Variants in CACNA2D3 observed in about 807,000 individuals in gnomAD.
The protein encoded by CACNA2D3 is voltage-dependent calcium channel subunit alpha-2/delta-3.
A neutral mutation model predicts 160.6 loss-of-function variants in CACNA2D3; 60 were observed. That is an observed-to-expected ratio of 0.37 (90% confidence interval 0.30 to 0.46). CACNA2D3 has a LOEUF of 0.46. Among genes scored for constraint, CACNA2D3 ranks in the 20% least tolerant of loss-of-function variants. The pLI is 1.00. For synonymous variants in CACNA2D3, 558 were observed against 492.9 expected (o/e 1.13, Z -1.75); for missense variants, 1,205 against 1,365.0 (o/e 0.88, Z 1.85).
chr3:54,861,542 A>G (rs1335427631), intron 17 of CACNA2D3, among the ~76,000 whole-genome samples: 1 of 152,166 alleles, frequency 6.6e-6, no homozygotes, highest in Non-Finnish European at 1.5e-5. Context: ...CTAAGCAGTG[A>G]TATGATCTGA....
chr3:54,527,344 A>G (rs1701741375), intron 5 of CACNA2D3, among the ~76,000 whole-genome samples: 1 of 152,188 alleles, frequency 6.6e-6, no homozygotes, highest in African/African-American at 2.4e-5. Context: ...TATTTGTTTT[A>G]TGGCCTGCTT....
chr3:54,375,590 G>T (rs1698999478), intron 3 of CACNA2D3, among the ~76,000 whole-genome samples: 1 of 152,154 alleles, frequency 6.6e-6, no homozygotes, highest in African/African-American at 2.4e-5. Context: ...GTAGTGGTCT[G>T]GGGCCAGAAA....
At chr3:54,769,726 C>T (rs1453210416) in intron 13 of CACNA2D3, among the ~76,000 whole-genome samples, 1 of 152,132 alleles carries the variant, frequency 6.6e-6, no homozygotes, top group African/African-American at 2.4e-5. Context: ...TTTAAAAATA[C>T]TGGATTCTTC....
rs2107108520 is a variant in CACNA2D3 at position 54,987,765 on chromosome 3, A to G, written c.2690+12A>G. ...GGCTCCTTTAAAAGGTAAGGGTTTTATGGTCCACTGCATTCCCCCCAAAAG... is the reference window on the plus strand; with the variant it reads ...GGCTCCTTTAAAAGGTAAGGGTTTTGTGGTCCACTGCATTCCCCCCAAAAG... On this transcript the variant is annotated intron_variant, in intron 31 of 37. Transcript: ENST00000474759. 2 of 1,586,626 alleles carry G rather than the reference A, an allele frequency of 1.3e-6. No individual in the cohort carries two copies. The highest frequency in any genetic ancestry group is 1.7e-6 in the Non-Finnish European group (2 of 1,166,056).
At chr3:54,755,881 T>C (rs1701960465) in intron 12 of CACNA2D3, among the ~76,000 whole-genome samples, 1 of 152,230 alleles carries the variant, frequency 6.6e-6, no homozygotes, top group Non-Finnish European at 1.5e-5. Context: ...CATCAGCTAG[T>C]ATGCATTTAG....
At chr3:55,039,950 C>T (rs1473838321) in intron 35 of CACNA2D3, among the ~76,000 whole-genome samples, 1 of 151,798 alleles carries the variant, frequency 6.6e-6, no homozygotes, top group Non-Finnish European at 1.5e-5. Flanking sequence ...TTGTTTAAGT[C>T]TACTCTGGCT....
intron 35 of CACNA2D3, among the ~76,000 whole-genome samples, chr3:55,027,484 G>A (rs1703587393): frequency 1.3e-5 from 2 of 152,108 alleles, no homozygotes; most frequent in African/African-American, 4.8e-5. Context: ...ATGTACAATG[G>A]CCAGCATGAT....
intron 4 of CACNA2D3, among the ~76,000 whole-genome samples, chr3:54,464,060 C>G (rs565491586): frequency 1.3e-5 from 2 of 152,292 alleles, no homozygotes; most frequent in African/African-American, 4.8e-5. Flanking sequence ...TGCCTTGGTA[C>G]CAGCAGCGGT....
intron 4 of CACNA2D3, among the ~76,000 whole-genome samples, chr3:54,466,270 A>AT (rs200645520): frequency 1.5e-4 from 23 of 151,808 alleles, no homozygotes; most frequent in Admixed American, 1.4e-3. Flanking sequence ...TGTTGTATAA[A>AT]TTTTTTTTTG....
In CACNA2D3 at chr3:55,073,840, G is replaced by A; in HGVS notation, c.3164G>A (p.Cys1055Tyr). The change falls in exon 37 of 38, where the codon TGT (cysteine) becomes TAT (tyrosine). Residue 1055 changes from cysteine (C) to tyrosine (Y), a missense_variant. By Grantham distance (194) the Cys-to-Tyr change is radical. Around this residue, in one of 3 missense-constraint regions of CACNA2D3, gnomAD observed 911 missense variants for 1,002.2 expected, o/e 0.91. Transcript: ENST00000474759. ...AQKIRRRPES[C>Y]HGFHPEENAR... is the part of the protein sequence containing the mutation. ...AAGATCAGAAGGCGCCCAGAATCTT[G>A]TCATGGCTTCCATCCTGAGGTAAGT... The A allele has an allele frequency of 6.2e-7, 1 of 1,613,672 alleles. No individual in the cohort carries two copies. The highest frequency in any genetic ancestry group is 1.3e-5 in the African/African-American group (1 of 75,040).
At chr3:54,535,458 A>T (rs1027771342) in intron 5 of CACNA2D3, among the ~76,000 whole-genome samples, 4 of 152,236 alleles carry the variant, frequency 2.6e-5, no homozygotes, top group Non-Finnish European at 5.9e-5. Context: ...CTATAAAAGC[A>T]TAAGTTTTTC....
At chr3:54,213,238 T>C (rs935226389) in intron 2 of CACNA2D3, among the ~76,000 whole-genome samples, 2 of 152,226 alleles carry the variant, frequency 1.3e-5, no homozygotes, top group Non-Finnish European at 2.9e-5. Flanking sequence ...ACCTATTTTA[T>C]TTCTTTTAAC....
At chr3:54,786,611 G>A (rs1010558689) in intron 13 of CACNA2D3, among the ~76,000 whole-genome samples, 1 of 152,092 alleles carries the variant, frequency 6.6e-6, no homozygotes, top group East Asian at 1.9e-4. Context: ...TAGATATTTG[G>A]TAGGTAAATA....
At chr3:54,717,117 T>A (rs1223265580) in intron 11 of CACNA2D3, among the ~76,000 whole-genome samples, 1 of 152,152 alleles carries the variant, frequency 6.6e-6, no homozygotes, top group African/African-American at 2.4e-5. Flanking sequence ...GGTGTCTGGT[T>A]TCTTTCACTC....
At chr3:54,955,235 C>G (rs187363427) in intron 27 of CACNA2D3, among the ~76,000 whole-genome samples, 2 of 152,188 alleles carry the variant, frequency 1.3e-5, no homozygotes, top group Admixed American at 6.5e-5. Flanking sequence ...GACGGGCAGA[C>G]ATTAGGGAAG....
At chr3:54,342,559 G>A (rs1228042165) in intron 3 of CACNA2D3, among the ~76,000 whole-genome samples, 1 of 152,152 alleles carries the variant, frequency 6.6e-6, no homozygotes, top group Non-Finnish European at 1.5e-5. Context: ...TTAGGAGCAG[G>A]ACATCTTCCT....
At chr3:54,650,129 C>G (rs935768870) in intron 11 of CACNA2D3, among the ~76,000 whole-genome samples, 35 of 152,236 alleles carry the variant, frequency 2.3e-4, no homozygotes, top group African/African-American at 7.7e-4. Context: ...GAATTTTCCT[C>G]AGTGAGCTAA....
chr3:54,511,848 G>A (rs1701464508), intron 5 of CACNA2D3, among the ~76,000 whole-genome samples: 5 of 152,288 alleles, frequency 3.3e-5, no homozygotes. Flanking sequence ...AAGTTTCAAG[G>A]TTACTTCTAT....
chr3:54,673,783 A>G (rs1324881059), intron 11 of CACNA2D3, among the ~76,000 whole-genome samples: 2 of 152,194 alleles, frequency 1.3e-5, no homozygotes, highest in African/African-American at 2.4e-5. Flanking sequence ...CCCTTTGGCT[A>G]AAAAGCTTCT....
Sources: allele counts gnomAD v4.1 joint callset (sites outside exome capture counted in the v4.1 genomes callset), GRCh38; gene constraint gnomAD v4.1.1; regional missense constraint gnomAD v4.1.1; transcripts MANE v1.5; gene names NCBI Gene and HGNC (gene_info 2026-07-23, HGNC 2026-07-21).